Variants in RYR2 observed in about 807,000 individuals in gnomAD.
The protein encoded by RYR2 is ryanodine receptor 2, also known as cardiac muscle ryanodine receptor-calcium release channel.
RYR2 carries 227 observed loss-of-function variants against 601.1 expected under a neutral mutation model. That is an observed-to-expected ratio of 0.38 (90% confidence interval 0.34 to 0.42). RYR2 has a LOEUF of 0.42. Among genes scored for constraint, RYR2 ranks in the 10% least tolerant of loss-of-function variants. RYR2 has a pLI of 1.00. For synonymous variants in RYR2, 2,223 were observed against 2,175.1 expected (o/e 1.02, Z -0.61); for missense variants, 4,646 against 6,156.5 (o/e 0.75, Z 8.21).
chr1:237,703,985 A>G (rs1248047716), intron 66 of RYR2, among the ~76,000 whole-genome samples: 1 of 152,144 alleles, frequency 6.6e-6, no homozygotes, highest in African/African-American at 2.4e-5. Flanking sequence ...CAAACTGATA[A>G]ATATTATAGT....
intron 79 of RYR2, among the ~76,000 whole-genome samples, chr1:237,736,177 A>G (rs1197453173): frequency 3.3e-5 from 5 of 152,132 alleles, no homozygotes; most frequent in Admixed American, 6.5e-5. Flanking sequence ...ATAAAAGGAT[A>G]GGGCTGGGCA....
chr1:237,705,404 T>C, intron 67 of RYR2, 61 bp downstream of exon 67: 4 of 1,392,550 alleles, frequency 2.9e-6, no homozygotes, highest in Non-Finnish European at 4.0e-6. Context: ...ATTTATCATA[T>C]TGTCCAATAG....
intron 6 of RYR2, among the ~76,000 whole-genome samples, chr1:237,370,068 A>T (rs1203390027): frequency 1.3e-5 from 2 of 151,798 alleles, no homozygotes; most frequent in South Asian, 2.1e-4. Flanking sequence ...TCCTCCTTTC[A>T]CCCAGTTATT....
In RYR2 at chr1:237,079,790, C is replaced by T. The variant is rs1295213111; in HGVS notation, c.48+37221C>T. 5.9e-3 allele frequency among the ~76,000 whole-genome samples: 787 copies of T among 133,392 alleles called. 7 individuals carry two copies. The highest frequency in any genetic ancestry group is 0.03 in the African/African-American group (722 of 24,454). The allele number at this position is 133,392 out of a possible 152,430, so 87.5% of individuals were successfully genotyped here. On this transcript the variant is annotated intron_variant, in intron 1 of 104. Coordinates refer to ENST00000366574, the MANE Select transcript of RYR2 (RefSeq NM_001035.3). ...TTGGAAAAAACTACTTTAAAGTTCACATGGAACCAAAAAAGAGCCCGCATT... is the reference window on the plus strand; with the variant it reads ...TTGGAAAAAACTACTTTAAAGTTCATATGGAACCAAAAAAGAGCCCGCATT...
At chr1:237,569,617 T>A (rs1285932951) in intron 29 of RYR2, among the ~76,000 whole-genome samples, 1 of 152,230 alleles carries the variant, frequency 6.6e-6, no homozygotes, top group African/African-American at 2.4e-5. Flanking sequence ...AATTTTCATT[T>A]AGAACTTCCC....
intron 100 of RYR2, among the ~76,000 whole-genome samples, chr1:237,810,072 G>A (rs1661095272): frequency 6.6e-6 from 1 of 152,116 alleles, no homozygotes; most frequent in Non-Finnish European, 1.5e-5. Flanking sequence ...GACAGAATTT[G>A]ATGCCTTAAA....
intron 2 of RYR2, among the ~76,000 whole-genome samples, chr1:237,308,953 A>C (rs1046974074): frequency 2.0e-5 from 3 of 152,226 alleles, no homozygotes; most frequent in African/African-American, 7.2e-5. Context: ...AGAATCCCTG[A>C]GTTAGACACA....
intron 1 of RYR2, among the ~76,000 whole-genome samples, chr1:237,159,057 C>A (rs1281940123): frequency 6.6e-6 from 1 of 152,202 alleles, no homozygotes; most frequent in Non-Finnish European, 1.5e-5. Flanking sequence ...CTTTGGGAGG[C>A]CGAGGCGGGC....
intron 87 of RYR2, 47 bp from the exon 88 acceptor site, chr1:237,778,619 C>A: frequency 9.7e-7 from 1 of 1,029,356 alleles, no homozygotes; most frequent in Non-Finnish European, 1.5e-6. Flanking sequence ...TTTGTTTTGG[C>A]AAATAAATTA....
chr1:237,802,803 A>G (rs939383813), intron 98 of RYR2, among the ~76,000 whole-genome samples: 1 of 152,190 alleles, frequency 6.6e-6, no homozygotes, highest in African/African-American at 2.4e-5. Context: ...TGCATAGCCC[A>G]CTTTTGCCCA....
intron 10 of RYR2, 61 bp from the exon 11 acceptor site, chr1:237,416,988 G>A: frequency 1.4e-6 from 2 of 1,450,956 alleles, no homozygotes; most frequent in South Asian, 1.2e-5. Context: ...CAAAAAATTA[G>A]AGTCCAAAGA....
chr1:237,340,249 C>T (rs1262325443), intron 3 of RYR2, among the ~76,000 whole-genome samples: 1 of 152,154 alleles, frequency 6.6e-6, no homozygotes, highest in Non-Finnish European at 1.5e-5. Context: ...ATAGAAAGCG[C>T]ATGTCCATTC....
Position 237,538,394 on chromosome 1 carries a change from C to CAAAA in RYR2, c.2906+7914_2906+7917dup, listed in dbSNP as rs10551995. ...TGGGTGACAGAGCAAGACTCTGTCTCAAAAAAAAAAAAAAAAAAAAAAAAA... is the reference window on the plus strand; with the variant it reads ...TGGGTGACAGAGCAAGACTCTGTCTCAAAAAAAAAAAAAAAAAAAAAAAAAAAAA... On this transcript the variant is annotated intron_variant, in intron 25 of 104. Coordinates refer to ENST00000366574, the MANE Select transcript of RYR2 (RefSeq NM_001035.3). Among the ~76,000 whole-genome samples the CAAAA allele has an allele frequency of 6.1e-4, 20 of 32,898 alleles. 3 individuals carry two copies. Among genetic ancestry groups the CAAAA allele is most frequent in the African/African-American group, 2.1e-3 (16 of 7,516 alleles). 21.6% of individuals were successfully genotyped at this position (32,898 alleles called of 152,430 possible). A position where few individuals can be genotyped will look rare whatever the true frequency, so the allele number is the denominator to read the frequency against.
Position 237,427,987 on chromosome 1 carries a change from G to A in RYR2, c.1005+4739G>A, listed in dbSNP as rs536625051. On this transcript the variant is annotated intron_variant, in intron 12 of 104. Transcript: ENST00000366574. ...CAAAAGAAGATATTTATGTGGCCAAGAAACATGAAAAAAAGCTCAACATCA... is the reference window on the plus strand; with the variant it reads ...CAAAAGAAGATATTTATGTGGCCAAAAAACATGAAAAAAAGCTCAACATCA... Among the ~76,000 whole-genome samples the A allele has an allele frequency of 3.6e-4, 54 of 151,958 alleles. 1 individual carries two copies. In the South Asian group the frequency reaches 0.011, roughly 31 times the overall value.
chr1:237,132,254 T>C (rs1424039543), intron 1 of RYR2, among the ~76,000 whole-genome samples: 2 of 152,218 alleles, frequency 1.3e-5, no homozygotes, highest in African/African-American at 4.8e-5. Context: ...GAATTGAGCC[T>C]TCTGCCAACA....
intron 72 of RYR2, 131 bp downstream of exon 72, chr1:237,717,499 A>G: frequency 1.3e-6 from 1 of 751,836 alleles, no homozygotes; most frequent in Non-Finnish European, 2.0e-6. Context: ...GGTTTTCTAG[A>G]CAGGCCCAAG....
At chr1:237,473,462 T>TTTCTTTCTTTCTTTCTTTCTTTCTTC (rs1558878561) in intron 17 of RYR2, among the ~76,000 whole-genome samples, 6 of 125,158 alleles carry the variant, frequency 4.8e-5, no homozygotes, top group Non-Finnish European at 7.4e-5. Context: ...TCTTTCTTTC[T>TTTCTTTCTTTCTTTCTTTCTTTCTTC]ATCTATCTAT....
intron 24 of RYR2, among the ~76,000 whole-genome samples, chr1:237,522,165 GT>G (rs1256657060): frequency 1.5e-4 from 23 of 152,006 alleles, no homozygotes; most frequent in Admixed American, 1.5e-3. Context: ...GTGGAATGCT[GT>G]TTTCTATGCC....
intron 2 of RYR2, among the ~76,000 whole-genome samples, chr1:237,282,590 A>G (rs562424062): frequency 1.2e-3 from 183 of 152,304 alleles, no homozygotes; most frequent in African/African-American, 3.3e-3. Context: ...TTTGCTGCCA[A>G]TAGGTTAGAT....
Sources: allele counts gnomAD v4.1 joint callset (sites outside exome capture counted in the v4.1 genomes callset), GRCh38; gene constraint gnomAD v4.1.1; transcripts MANE v1.5; gene names NCBI Gene and HGNC (gene_info 2026-07-23, HGNC 2026-07-21).